Variants in SEL1L2 observed in about 807,000 individuals in gnomAD.
SEL1L2 encodes protein sel-1 homolog 2.
SEL1L2 carries 89 observed loss-of-function variants against 98.8 expected under a neutral mutation model. That is an observed-to-expected ratio of 0.90 (90% CI 0.76 to 1.07). The LOEUF is 1.07. Among genes scored for constraint, SEL1L2 ranks in the 50% least tolerant of loss-of-function variants. The probability of loss-of-function intolerance (pLI) is 0.00; values close to 1 mark genes in which losing one functional copy is unlikely to be tolerated. For synonymous variants in SEL1L2, 262 were observed against 278.5 expected (o/e 0.94, Z 0.59); for missense variants, 788 against 812.0 (o/e 0.97, Z 0.36).
At chr20:13,854,285 G>A (rs1196743020) in intron 18 of SEL1L2, among the ~76,000 whole-genome samples, 1 of 152,122 alleles carries the variant, frequency 6.6e-6, no homozygotes, top group African/African-American at 2.4e-5. Flanking sequence ...CTTCCCCAAA[G>A]GATAATTTCC....
Position 13,888,449 on chromosome 20 carries a change from T to C in SEL1L2, c.603+10A>G, listed in dbSNP as rs758358262. On this transcript the variant is annotated intron_variant, in intron 6 of 19. Coordinates refer to ENST00000284951, the MANE Select transcript of SEL1L2 (RefSeq NM_025229.2). The stretch of plus-strand genomic sequence containing the variant: ...AATTTTGTTCCAGAATAAAACAGAA[T>C]GATCTTTACCTTAGCTTGATCATAT... 7 of 1,523,672 alleles carry C rather than the reference T, an allele frequency of 4.6e-6. No individual in the cohort carries two copies. The highest frequency in any genetic ancestry group is 3.6e-5 in the Admixed American group (2 of 55,016). The allele number at this position is 1,523,672 out of a possible 1,614,324, so 94.4% of individuals were successfully genotyped here. A position where few individuals can be genotyped will look rare whatever the true frequency, so the allele number is the denominator to read the frequency against.
chr20:13,965,038 A>C (rs2050975841), intron 1 of SEL1L2, among the ~76,000 whole-genome samples: 3 of 151,816 alleles, frequency 2.0e-5, no homozygotes, highest in Non-Finnish European at 2.9e-5. Flanking sequence ...CTCAGTCCTC[A>C]CCTCTTCTCT....
chr20:13,951,092 C>T (rs1268687807), intron 2 of SEL1L2, among the ~76,000 whole-genome samples: 4 of 150,852 alleles, frequency 2.7e-5, no homozygotes, highest in Non-Finnish European at 5.9e-5. Context: ...CTGGCTAACA[C>T]GGTGAAACCC....
chr20:13,905,849 A>G (rs116659799), intron 5 of SEL1L2, among the ~76,000 whole-genome samples: 201 of 151,396 alleles, frequency 1.3e-3, no homozygotes, highest in African/African-American at 4.6e-3. Flanking sequence ...ATTGTTTGTA[A>G]GACTTATTTC....
At chr20:13,891,394 C>A (rs549914569) in intron 5 of SEL1L2, among the ~76,000 whole-genome samples, 6 of 152,128 alleles carry the variant, frequency 3.9e-5, no homozygotes, top group African/African-American at 1.4e-4. Flanking sequence ...CCAGGCCAGG[C>A]GCAGTGGTGC....
intron 5 of SEL1L2, among the ~76,000 whole-genome samples, chr20:13,891,695 A>G (rs1266950456): frequency 1.3e-5 from 2 of 151,508 alleles, no homozygotes; most frequent in Admixed American, 1.3e-4. Context: ...AGGAAAAGAC[A>G]AAGCTGTCCA....
intron 1 of SEL1L2, among the ~76,000 whole-genome samples, chr20:13,988,833 T>C (rs1408986184): frequency 6.6e-6 from 1 of 151,996 alleles, no homozygotes; most frequent in Non-Finnish European, 1.5e-5. Flanking sequence ...GCCAACATGA[T>C]AAAACCCCGT....
intron 3 of SEL1L2, among the ~76,000 whole-genome samples, chr20:13,920,683 G>A (rs1024668836): frequency 6.6e-6 from 1 of 151,972 alleles, no homozygotes; most frequent in Non-Finnish European, 1.5e-5. Flanking sequence ...GAAGAACCAC[G>A]CTTGAAGCCA....
chr20:13,963,996 C>G (rs1000532609), intron 1 of SEL1L2, among the ~76,000 whole-genome samples: 1 of 151,834 alleles, frequency 6.6e-6, no homozygotes, highest in Non-Finnish European at 1.5e-5. Context: ...TTCAGCCTCC[C>G]GAGTAGTTGG....
At chr20:13,958,702 C>T (rs1028995258) in intron 1 of SEL1L2, among the ~76,000 whole-genome samples, 15 of 151,480 alleles carry the variant, frequency 9.9e-5, no homozygotes, top group African/African-American at 2.4e-4. Context: ...TTTGGGAGGC[C>T]GAGGTGGTCA....
At chr20:13,877,957 T>C (rs923499825) in intron 10 of SEL1L2, among the ~76,000 whole-genome samples, 2 of 152,214 alleles carry the variant, frequency 1.3e-5, no homozygotes, top group African/African-American at 4.8e-5. Flanking sequence ...TGACACTGTG[T>C]ACTTAATGAG....
chr20:13,852,793 G>T (rs1440850675), intron 18 of SEL1L2, among the ~76,000 whole-genome samples: 6 of 152,084 alleles, frequency 3.9e-5, no homozygotes, highest in Non-Finnish European at 7.4e-5. Flanking sequence ...TAAAATAGCT[G>T]GTTTATGAAA....
At chr20:13,939,040 G>GGTTTTTTTTTTGTTTTTTTTTTTT in intron 2 of SEL1L2, among the ~76,000 whole-genome samples, 1 of 114,072 alleles carries the variant, frequency 8.8e-6, no homozygotes, top group Non-Finnish European at 1.7e-5. Context: ...TGCTTGTTTT[G>GGTTTTTTTTTTGTTTTTTTTTTTT]TTTTTTTTTT....
Position 13,893,149 on chromosome 20 carries a change from C to A in SEL1L2, c.550-4637G>T, listed in dbSNP as rs528121044. Among the ~76,000 whole-genome samples the A allele has an allele frequency of 5.3e-5, 8 of 152,328 alleles. No homozygotes were observed. In the South Asian group the frequency reaches 1.7e-3, roughly 32 times the overall value. The stretch of plus-strand genomic sequence containing the variant: ...CATTTAATCAAGACTCTGTTCCCCA[C>A]TCCCCTGATTCCCCTCCCCTGCCCT... On this transcript the variant is annotated intron_variant, in intron 5 of 19. Transcript: ENST00000284951.
intron 10 of SEL1L2, among the ~76,000 whole-genome samples, chr20:13,879,200 A>G (rs1237067073): frequency 6.6e-6 from 1 of 152,152 alleles, no homozygotes; most frequent in Non-Finnish European, 1.5e-5. Flanking sequence ...GAGCAAACGA[A>G]TGGGGATGGG....
chr20:13,905,839 A>ATTGTT (rs1292915016), intron 5 of SEL1L2, among the ~76,000 whole-genome samples: 1 of 147,648 alleles, frequency 6.8e-6, no homozygotes, highest in Non-Finnish European at 1.5e-5. Context: ...AGCTCAGCAA[A>ATTGTT]TTGTTTGTAA....
chr20:13,958,360 A>G (rs1054989200), intron 1 of SEL1L2, among the ~76,000 whole-genome samples: 4 of 152,140 alleles, frequency 2.6e-5, no homozygotes, highest in Non-Finnish European at 5.9e-5. Context: ...GCATTGTTGG[A>G]ATTTGCCGTT....
At chr20:13,937,713 A>C (rs2049525009) in intron 2 of SEL1L2, among the ~76,000 whole-genome samples, 1 of 152,090 alleles carries the variant, frequency 6.6e-6, no homozygotes, top group Non-Finnish European at 1.5e-5. Context: ...TTATCTACTC[A>C]ATTATTTATA....
rs1374307634 is a variant in SEL1L2 at position 13,888,425 on chromosome 20, A to G, written c.603+34T>C. On this transcript the variant is annotated intron_variant, in intron 6 of 19. Coordinates refer to ENST00000284951, the MANE Select transcript of SEL1L2 (RefSeq NM_025229.2). ...TTCAATGTCCCTTTTAGAGAAATCAATTTTGTTCCAGAATAAAACAGAATG... is the reference window on the plus strand; with the variant it reads ...TTCAATGTCCCTTTTAGAGAAATCAGTTTTGTTCCAGAATAAAACAGAATG... 8 of 1,385,770 alleles carry G rather than the reference A, an allele frequency of 5.8e-6. No individual in the cohort carries two copies. In the South Asian group the frequency reaches 6.1e-5, roughly 11 times the overall value. The allele number at this position is 1,385,770 out of a possible 1,614,324, so 85.8% of individuals were successfully genotyped here.
Sources: allele counts gnomAD v4.1 joint callset (sites outside exome capture counted in the v4.1 genomes callset), GRCh38; gene constraint gnomAD v4.1.1; transcripts MANE v1.5; gene names NCBI Gene and HGNC (gene_info 2026-07-23, HGNC 2026-07-21).